PIH1D2: variants seen among roughly 807,000 people sequenced by gnomAD.
PIH1D2 encodes the protein PIH1 domain containing 2.
PIH1D2 carries 25 observed loss-of-function variants against 31.2 expected under a neutral mutation model. The observed-to-expected ratio is 0.80, with a 90% CI of 0.58 to 1.12. PIH1D2 has a LOEUF of 1.12. Among genes scored for constraint, PIH1D2 ranks in the 50% most tolerant of loss-of-function variants. PIH1D2 has a pLI of 0.00. For missense variants in PIH1D2, 310 were observed against 356.6 expected (o/e 0.87, Z 1.05); for synonymous variants, 116 against 119.9 (o/e 0.97, Z 0.21).
At chr11:112,054,879 C>T in the PIH1D2 span, among the ~76,000 whole-genome samples, 5 of 152,176 alleles carry the variant, frequency 3.3e-5, no homozygotes, top group South Asian at 4.1e-4. Flanking sequence ...GATTGCATAA[C>T]TCCAGTCTCT....
downstream of PIH1D2, among the ~76,000 whole-genome samples, chr11:112,064,565 A>G (rs1246874973): frequency 6.6e-6 from 1 of 152,194 alleles, no homozygotes; most frequent in Non-Finnish European, 1.5e-5. Context: ...AAGCTCAAAG[A>G]GTTCCTGAAG....
the PIH1D2 span, among the ~76,000 whole-genome samples, chr11:112,056,439 A>G: frequency 6.6e-6 from 1 of 152,186 alleles, no homozygotes; most frequent in Non-Finnish European, 1.5e-5. Context: ...GAGTCATAAA[A>G]TATGTGGTCT....
chr11:112,070,085 A>G (rs1055816918), intron 5 of PIH1D2: 2 of 415,870 alleles, frequency 4.8e-6, no homozygotes. Flanking sequence ...GTAAGAGGAT[A>G]GTACGTTTAC....
the PIH1D2 span, among the ~76,000 whole-genome samples, chr11:112,057,963 G>A: frequency 6.6e-6 from 1 of 152,188 alleles, no homozygotes; most frequent in South Asian, 2.1e-4. Flanking sequence ...AGACAACAGT[G>A]TAGTGTTAAG....
chr11:112,068,286 G>T (rs1270049240), intron 5 of PIH1D2, among the ~76,000 whole-genome samples: 1 of 152,152 alleles, frequency 6.6e-6, no homozygotes, highest in Non-Finnish European at 1.5e-5. Context: ...GCCTGGAAAG[G>T]TAGTGATCCA....
chr11:112,060,120 C>T, downstream of PIH1D2: 2 of 1,292,354 alleles, frequency 1.5e-6, no homozygotes, highest in Non-Finnish European at 1.1e-6. Context: ...TTGCATAATG[C>T]ATTTATTGCA....
chr11:112,060,383 A>G (rs1365848960), downstream of PIH1D2, among the ~76,000 whole-genome samples: 1 of 151,200 alleles, frequency 6.6e-6, no homozygotes, highest in Non-Finnish European at 1.5e-5. Context: ...GATGGTCTTG[A>G]TCTCCTGACC....
downstream of PIH1D2, chr11:112,061,201 G>T (rs200369358): frequency 1.9e-6 from 3 of 1,613,266 alleles, no homozygotes; most frequent in African/African-American, 2.7e-5. Flanking sequence ...AGGGGAAGTC[G>T]TAAGCTAATT....
chr11:112,060,726 G>A (rs1357674480), downstream of PIH1D2, among the ~76,000 whole-genome samples: 1 of 151,914 alleles, frequency 6.6e-6, no homozygotes, highest in African/African-American at 2.4e-5. Flanking sequence ...TCACCCTCTC[G>A]AAGTGCTGGG....
chr11:112,071,896 C>G (rs1453195120), intron 2 of PIH1D2, 138 bp from the exon 3 acceptor site: 1 of 817,412 alleles, frequency 1.2e-6, no homozygotes, highest in Non-Finnish European at 1.9e-6. Flanking sequence ...AATTTGAGAC[C>G]AGCCTGGCCA....
At chr11:112,064,014 T>G, downstream of PIH1D2, 1 of 655,432 alleles carries the variant, frequency 1.5e-6, no homozygotes, top group Non-Finnish European at 2.5e-6. Flanking sequence ...ACTCCATATA[T>G]TCCACACAGA....
In PIH1D2 at chr11:112,073,081, T is replaced by A; in HGVS notation, c.94A>T (p.Lys32Ter). The A allele has an allele frequency of 6.2e-7, 1 of 1,614,086 alleles. No individual in the cohort carries two copies. Among genetic ancestry groups the A allele is most frequent in the African/African-American group, 1.3e-5 (1 of 75,022 alleles). Residue 32 changes from lysine (K) to a stop codon, truncating the protein, a stop_gained, in exon 2 of 6, where the codon AAG (lysine) becomes TAG (stop). Coordinates refer to ENST00000280350, the MANE Select transcript of PIH1D2 (RefSeq NM_138789.4). LOFTEE classifies it high-confidence loss of function. ...LAQSDPEGYE[K>*]FIQQQLKEGK... ...TCTTTCAGCTGCTGCTGAATAAACT[T>A]CTCATAGCCCTCAGGGTCACTCTGA...
chr11:112,066,590 A>C (rs375565824), downstream of PIH1D2, among the ~76,000 whole-genome samples: 1 of 150,734 alleles, frequency 6.6e-6, no homozygotes, highest in Non-Finnish European at 1.5e-5. Context: ...GTGAGCTGAG[A>C]TTGCGCCACT....
downstream of PIH1D2, among the ~76,000 whole-genome samples, chr11:112,067,072 C>G (rs782634866): frequency 3.2e-4 from 49 of 152,052 alleles, no homozygotes; most frequent in Middle Eastern, 3.2e-3. Context: ...CAGTGAAGTA[C>G]AGAGGTTAAA....
chr11:112,056,101 T>C, the PIH1D2 span, among the ~76,000 whole-genome samples: 1 of 151,866 alleles, frequency 6.6e-6, no homozygotes, highest in Non-Finnish European at 1.5e-5. Context: ...CTCTTGACTT[T>C]GTGATCTGCC....
At chr11:112,057,737 C>G in the PIH1D2 span, among the ~76,000 whole-genome samples, 1 of 152,086 alleles carries the variant, frequency 6.6e-6, no homozygotes, top group African/African-American at 2.4e-5. Flanking sequence ...CATAAAAGTA[C>G]AGGGTGAAGC....
the PIH1D2 span, among the ~76,000 whole-genome samples, chr11:112,056,800 A>G: frequency 6.6e-6 from 1 of 152,222 alleles, no homozygotes; most frequent in African/African-American, 2.4e-5. Context: ...AATAGTGGAT[A>G]AGTGTTCCAG....
chr11:112,072,902 A>G, intron 2 of PIH1D2, 96 bp downstream of exon 2: 1 of 1,271,632 alleles, frequency 7.9e-7, no homozygotes, highest in East Asian at 2.5e-5. Context: ...AAAAAAAACA[A>G]AAAAAATTAG....
At chr11:112,072,914 A>T in intron 2 of PIH1D2, 84 bp downstream of exon 2, 1 of 1,303,712 alleles carries the variant, frequency 7.7e-7, no homozygotes, top group South Asian at 1.9e-5. Context: ...AAAAATTAGC[A>T]ATACCTAAGT....
Sources: gnomAD v4.1 joint callset for allele counts (sites outside exome capture counted in the v4.1 genomes callset) on GRCh38, gnomAD v4.1.1 for gene constraint, MANE v1.5 for transcripts, NCBI Gene and HGNC (gene_info 2026-07-23, HGNC 2026-07-21) for gene names.